TCF12: variants seen among roughly 807,000 people sequenced by gnomAD.
TCF12 encodes DNA-binding protein HTF4.
TCF12 carries 45 observed loss-of-function variants against 86.0 expected under a neutral mutation model. That is an observed-to-expected ratio of 0.52 (90% CI 0.41 to 0.67). The LOEUF (loss-of-function observed/expected upper bound fraction) is 0.67, where lower values mean the gene tolerates loss of function less well. Ranked by LOEUF, TCF12 falls within the 30% of genes least tolerant of loss-of-function variation. The pLI is 0.00. For missense variants in TCF12, 881 were observed against 859.9 expected (o/e 1.02, Z -0.31); for synonymous variants, 330 against 299.6 (o/e 1.10, Z -1.05).
intron 8 of TCF12, 123 bp from the exon 9 acceptor site, chr15:57,231,029 G>T: frequency 6.5e-6 from 4 of 615,028 alleles, no homozygotes; most frequent in South Asian, 2.2e-5. Context: ...CTTTTCATTT[G>T]TGGTAGCCCT....
chr15:57,159,140 G>T (rs2054319563), intron 5 of TCF12, among the ~76,000 whole-genome samples: 4 of 152,140 alleles, frequency 2.6e-5, no homozygotes, highest in Non-Finnish European at 5.9e-5. Context: ...AACTGTGCAG[G>T]GTCTGTGTGA....
intron 18 of TCF12, among the ~76,000 whole-genome samples, chr15:57,271,672 G>A (rs374065702): frequency 4.1e-4 from 63 of 152,254 alleles, no homozygotes; most frequent in African/African-American, 1.5e-3. Flanking sequence ...CTTCTTCTTC[G>A]ATCTCACTGG....
Position 57,063,766 on chromosome 15 carries a change from A to T in TCF12, c.165A>T (p.Gly55=), listed in dbSNP as rs373445421. 1 of 1,604,026 alleles carries T rather than the reference A, an allele frequency of 6.2e-7. No individual in the cohort carries two copies. The highest frequency in any genetic ancestry group is 1.3e-5 in the African/African-American group (1 of 74,930). Residue 55 remains glycine (G), a synonymous_variant, in exon 4 of 21, where the codon GGA becomes GGT. Transcript: ENST00000333725. The stretch of plus-strand genomic sequence containing the variant: ...TCTTTTTAGGTATTGATGAAAGAGG[A>T]GGTACAACATCTTGGGGAACAAGTG... The part of the protein sequence containing the change: ...QFSGSGIDER[G]GTTSWGTSGQ...
In TCF12 at chr15:57,251,353, C is replaced by A. The variant is rs1303171032; in HGVS notation, c.1118C>A (p.Thr373Asn). 1.2e-6 allele frequency: 2 copies of A among 1,613,722 alleles called. No individual in the cohort carries two copies. Among genetic ancestry groups the A allele is most frequent in the East Asian group, 2.2e-5 (1 of 44,866 alleles). ...GGCTACTTTTGGGTTTTAACAGGTACCAGTCAGTGGCCAAGACCTGGAGGG... is the reference window on the plus strand; with the variant it reads ...GGCTACTTTTGGGTTTTAACAGGTAACAGTCAGTGGCCAAGACCTGGAGGG... Reference protein sequence around the residue: ...PVGSPSPLTGTSQWPRPGGQA... With the variant: ...PVGSPSPLTGNSQWPRPGGQA... The change falls in exon 14 of 21, where the codon ACC becomes AAC. Residue 373 changes from threonine (T) to asparagine (N), a missense_variant. By Grantham distance (65) the Thr-to-Asn change is moderately conservative (BLOSUM62 0). This residue lies in a region of TCF12 where 766 missense variants were observed against 718.9 expected (regional missense o/e 1.07). Transcript: ENST00000333725.
chr15:57,024,669 GA>G (rs1348197295), intron 3 of TCF12, among the ~76,000 whole-genome samples: 2 of 152,192 alleles, frequency 1.3e-5, no homozygotes, highest in Admixed American at 1.3e-4. Context: ...GTACTGCAAA[GA>G]AAATACCCAG....
chr15:56,983,496 C>G (rs1267246974), intron 3 of TCF12, among the ~76,000 whole-genome samples: 2 of 152,066 alleles, frequency 1.3e-5, no homozygotes, highest in Non-Finnish European at 2.9e-5. Context: ...GCCTTGGAAT[C>G]CAAAATATTC....
chr15:56,984,465 A>G (rs1267579768), intron 3 of TCF12, among the ~76,000 whole-genome samples: 2 of 152,168 alleles, frequency 1.3e-5, no homozygotes, highest in African/African-American at 4.8e-5. Flanking sequence ...CTGATCATGA[A>G]CAAATTCTCT....
intron 6 of TCF12, among the ~76,000 whole-genome samples, chr15:57,166,836 A>G (rs776854365): frequency 6.6e-6 from 1 of 152,222 alleles, no homozygotes; most frequent in Non-Finnish European, 1.5e-5. Context: ...CAAACTGATC[A>G]TTAATATTGG....
chr15:56,988,539 A>G (rs1339095410), intron 3 of TCF12, among the ~76,000 whole-genome samples: 3 of 152,204 alleles, frequency 2.0e-5, no homozygotes, highest in African/African-American at 7.2e-5. Context: ...ACTGTCAACA[A>G]GAAATTGTAC....
intron 19 of TCF12, among the ~76,000 whole-genome samples, chr15:57,279,423 C>G (rs1372220585): frequency 3.9e-5 from 6 of 152,222 alleles, no homozygotes; most frequent in Non-Finnish European, 8.8e-5. Flanking sequence ...AGACATACTT[C>G]TCATGCCCTG....
intron 3 of TCF12, among the ~76,000 whole-genome samples, chr15:57,055,745 G>A (rs545737879): frequency 9.2e-5 from 14 of 152,158 alleles, no homozygotes; most frequent in Middle Eastern, 3.4e-3. Context: ...GTTGTCAGCA[G>A]CTTGACTATG....
At chr15:57,021,338 A>G (rs2065467196) in intron 3 of TCF12, among the ~76,000 whole-genome samples, 1 of 152,186 alleles carries the variant, frequency 6.6e-6, no homozygotes, top group African/African-American at 2.4e-5. Flanking sequence ...TGGAGCTAGC[A>G]GGTTAAACTA....
At chr15:57,062,242 C>G (rs1023386572) in intron 3 of TCF12, among the ~76,000 whole-genome samples, 23 of 152,092 alleles carry the variant, frequency 1.5e-4, no homozygotes, top group Admixed American at 3.9e-4. Flanking sequence ...AGGCGTGAGC[C>G]ACGGTGCCCG....
rs143007636 is a variant in TCF12, at chr15:57,037,908, T to C, written c.149-25842T>C. Among the ~76,000 whole-genome samples, 3 of 152,336 alleles carry C rather than the reference T, an allele frequency of 2.0e-5. No individual in the cohort carries two copies. In the East Asian group the frequency reaches 5.8e-4, roughly 29 times the overall value. Reference sequence around the variant, plus strand: ...GTTTATTGAACCAAATCATAGGATATTATCACGTTCAGCACTGTAAAGTGA... The same window carrying C: ...GTTTATTGAACCAAATCATAGGATACTATCACGTTCAGCACTGTAAAGTGA... On this transcript the variant is annotated intron_variant, in intron 3 of 20. Coordinates refer to ENST00000333725, the MANE Select transcript of TCF12 (RefSeq NM_207037.2).
intron 5 of TCF12, among the ~76,000 whole-genome samples, chr15:57,110,031 C>T (rs1596572239): frequency 7.8e-6 from 1 of 128,780 alleles, no homozygotes. Context: ...CGTAGGAGAC[C>T]AAAGTAGAAA....
chr15:57,161,985 TTC>T (rs2054536641), intron 5 of TCF12, among the ~76,000 whole-genome samples: 1 of 152,204 alleles, frequency 6.6e-6, no homozygotes, highest in South Asian at 2.1e-4. Context: ...ATAATCGTGA[TTC>T]TGAGAAGTCC....
At chr15:57,099,092 G>A (rs2049543046) in intron 5 of TCF12, among the ~76,000 whole-genome samples, 1 of 152,152 alleles carries the variant, frequency 6.6e-6, no homozygotes, top group African/African-American at 2.4e-5. Context: ...TTTAATCAGT[G>A]GACATGTGCA....
rs560797732 is a variant in TCF12 at position 57,053,603 on chromosome 15, C to G, written c.149-10147C>G. On this transcript the variant is annotated intron_variant, in intron 3 of 20. Transcript: ENST00000333725. ...ACCGCAGAACAGAGGTAAATATAAC[C>G]TGTAGCCCATCACCTTTTTTTTTTT... Among the ~76,000 whole-genome samples, 11 of 149,130 alleles carry G rather than the reference C, an allele frequency of 7.4e-5. No homozygotes were observed. In the East Asian group the frequency reaches 2.2e-3, roughly 29 times the overall value.
At chr15:57,001,259 C>T (rs1228260144) in intron 3 of TCF12, 1 of 166,330 alleles carries the variant, frequency 6.0e-6, no homozygotes, top group Admixed American at 6.4e-5. Flanking sequence ...AAGTAATCCG[C>T]CCACCTCAGC....
Sources: allele counts gnomAD v4.1 joint callset (sites outside exome capture counted in the v4.1 genomes callset), GRCh38; gene constraint gnomAD v4.1.1; regional missense constraint gnomAD v4.1.1; transcripts MANE v1.5; gene names NCBI Gene and HGNC (gene_info 2026-07-23, HGNC 2026-07-21).